Variants in CADPS2 observed in about 807,000 individuals in gnomAD.
The protein encoded by CADPS2 is calcium-dependent secretion activator 2.
Under a neutral mutation model 172.5 loss-of-function variants are expected in CADPS2, and 93 were observed. The observed-to-expected ratio is 0.54, with a 90% CI of 0.46 to 0.64. The LOEUF is 0.64. Ranked by LOEUF, CADPS2 falls within the 30% of genes least tolerant of loss-of-function variation. CADPS2 has a pLI of 0.00. For missense variants in CADPS2, 1,420 were observed against 1,565.9 expected, an observed-to-expected ratio of 0.91 and a Z score of 1.57; for synonymous variants, 546 against 555.2, an observed-to-expected ratio of 0.98 and a Z score of 0.23.
At chr7:122,761,177 G>T (rs1464529977) in intron 1 of CADPS2, among the ~76,000 whole-genome samples, 1 of 152,122 alleles carries the variant, frequency 6.6e-6, no homozygotes, top group African/African-American at 2.4e-5. Flanking sequence ...GAAAAAGAGG[G>T]TCTCCAGCCT....
At chr7:122,871,184 GAA>G (rs112112751) in intron 1 of CADPS2, among the ~76,000 whole-genome samples, 2 of 141,816 alleles carry the variant, frequency 1.4e-5, no homozygotes, top group African/African-American at 5.1e-5. Flanking sequence ...ACAGTGCTGG[GAA>G]AAAAAAAAAA....
At chr7:122,647,547 A>T (rs566856946) in intron 3 of CADPS2, among the ~76,000 whole-genome samples, 41 of 152,324 alleles carry the variant, frequency 2.7e-4, no homozygotes, top group African/African-American at 9.4e-4. Flanking sequence ...TATTCTGCTA[A>T]GATAACATCA....
chr7:122,733,456 A>G (rs905181665), intron 2 of CADPS2, among the ~76,000 whole-genome samples: 1 of 150,682 alleles, frequency 6.6e-6, no homozygotes, highest in African/African-American at 2.5e-5. Flanking sequence ...TAAGGTCTGC[A>G]TCAATATGGT....
At chr7:122,839,450 A>G (rs1010592651) in intron 1 of CADPS2, among the ~76,000 whole-genome samples, 1 of 152,100 alleles carries the variant, frequency 6.6e-6, no homozygotes, top group Non-Finnish European at 1.5e-5. Context: ...AAACTAAAGA[A>G]CTTCTGCACA....
At chr7:122,418,885 A>C (rs767110009) in intron 17 of CADPS2, among the ~76,000 whole-genome samples, 50 of 152,232 alleles carry the variant, frequency 3.3e-4, no homozygotes, top group Non-Finnish European at 5.6e-4. Context: ...AAACTAAAAA[A>C]AATTGTGCAT....
chr7:122,453,726 T>A (rs1586197589), intron 14 of CADPS2, among the ~76,000 whole-genome samples: 1 of 152,224 alleles, frequency 6.6e-6, no homozygotes, highest in South Asian at 2.1e-4. Flanking sequence ...GAGATTGTCA[T>A]CCACAGTGAT....
intron 1 of CADPS2, among the ~76,000 whole-genome samples, chr7:122,779,922 C>T (rs1176124291): frequency 6.6e-6 from 1 of 152,136 alleles, no homozygotes; most frequent in African/African-American, 2.4e-5. Flanking sequence ...GAATCAAAGA[C>T]CAGTCAGCTC....
chr7:122,421,864 T>C (rs2048567515), intron 17 of CADPS2: 1 of 152,198 alleles, frequency 6.6e-6, no homozygotes, highest in Non-Finnish European at 1.5e-5. Flanking sequence ...TATGGAGTTT[T>C]TCAGAATGAA....
At chr7:122,460,529 A>G (rs1472596759) in intron 14 of CADPS2, among the ~76,000 whole-genome samples, 3 of 152,120 alleles carry the variant, frequency 2.0e-5, no homozygotes, top group African/African-American at 7.2e-5. Flanking sequence ...AGTCCTCTTT[A>G]GAGGGAAGCA....
intron 2 of CADPS2, chr7:122,702,308 T>C: frequency 1.9e-6 from 3 of 1,613,806 alleles, no homozygotes; most frequent in Non-Finnish European, 2.5e-6. Flanking sequence ...GACTATATTT[T>C]CCGTCCCCTG....
At position 122,761,681 on chromosome 7, in the gene CADPS2, C is replaced by CA. The variant is rs201174338; in HGVS notation, c.340-24614dup. On this transcript the variant is annotated intron_variant, in intron 1 of 29. Coordinates refer to ENST00000449022, the MANE Select transcript of CADPS2 (RefSeq NM_017954.11). ...AAGCACTAAAAACGTATTAAGCAAA[C>CA]AAAAAAAAAGCTCTTGAAAATTAAA... 3.7e-4 allele frequency among the ~76,000 whole-genome samples: 55 copies of CA among 149,260 alleles called. 1 individual carries two copies. Among genetic ancestry groups the CA allele is most frequent in the Non-Finnish European group, 7.7e-4 (52 of 67,152 alleles).
intron 24 of CADPS2, among the ~76,000 whole-genome samples, chr7:122,385,717 T>G (rs1197663147): frequency 6.6e-6 from 1 of 152,002 alleles, no homozygotes; most frequent in Admixed American, 6.6e-5. Context: ...CTTCCTTACC[T>G]CTGATGATGG....
rs571392481 is a variant in CADPS2 at position 122,879,656 on chromosome 7, T to C, written c.339+6343A>G. ...AGAAGCAAATTAAATATCTTAGCTA[T>C]TAGATTGACAAAGACAGGCTTTAAA... On this transcript the variant is annotated intron_variant, in intron 1 of 29. Coordinates refer to ENST00000449022, the MANE Select transcript of CADPS2 (RefSeq NM_017954.11). Among the ~76,000 whole-genome samples the C allele has an allele frequency of 2.0e-5, 3 of 152,308 alleles. No homozygotes were observed. The South Asian group carries it at 6.2e-4, about 32-fold the overall frequency.
At chr7:122,850,273 A>G in intron 1 of CADPS2, 1 of 736,630 alleles carries the variant, frequency 1.4e-6, no homozygotes. Flanking sequence ...GGGCCCCAGG[A>G]CTCCCCAGCA....
chr7:122,631,783 A>G (rs2076603228), intron 3 of CADPS2, among the ~76,000 whole-genome samples: 1 of 151,964 alleles, frequency 6.6e-6, no homozygotes, highest in Admixed American at 6.6e-5. Flanking sequence ...GGTTGGGGAT[A>G]TGGATGGTCC....
At chr7:122,490,766 A>G (rs1302137547) in intron 10 of CADPS2, among the ~76,000 whole-genome samples, 1 of 152,112 alleles carries the variant, frequency 6.6e-6, no homozygotes, top group Non-Finnish European at 1.5e-5. Flanking sequence ...ATAAATTTCT[A>G]TTTCTTAATC....
chr7:122,457,133 A>C lies in CADPS2; in HGVS notation c.2187-5658T>G, dbSNP rs2053881502. Among the ~76,000 whole-genome samples, 2 of 152,202 alleles carry C rather than the reference A, an allele frequency of 1.3e-5. 1 individual carries two copies. Among genetic ancestry groups the C allele is most frequent in the Admixed American group, 1.3e-4 (2 of 15,284 alleles). ...CTGTGGTAAAACAAACTAAAAATTT[A>C]GTTTCTATAAAGGTAAAGAACAACT... On this transcript the variant is annotated intron_variant, in intron 14 of 29. Transcript: ENST00000449022.
intron 8 of CADPS2, among the ~76,000 whole-genome samples, chr7:122,544,166 T>C (rs1322935715): frequency 6.6e-6 from 1 of 152,142 alleles, no homozygotes; most frequent in Non-Finnish European, 1.5e-5. Context: ...AGCAAGAATC[T>C]TGAATGATTC....
At chr7:122,698,691 C>A (rs1377146879) in intron 2 of CADPS2, 1 of 1,613,824 alleles carries the variant, frequency 6.2e-7, no homozygotes, top group Non-Finnish European at 8.5e-7. Context: ...CCTCTGGTGG[C>A]ACTATAACTC....
Sources: allele counts gnomAD v4.1 joint callset (sites outside exome capture counted in the v4.1 genomes callset), GRCh38; gene constraint gnomAD v4.1.1; transcripts MANE v1.5; gene names NCBI Gene and HGNC (gene_info 2026-07-23, HGNC 2026-07-21).